Variants in GDPD1 observed in about 807,000 individuals in gnomAD.
GDPD1 encodes lysophospholipase D GDPD1.
GDPD1 carries 28 observed loss-of-function variants against 45.1 expected under a neutral mutation model. That is an observed-to-expected ratio of 0.62 (90% CI 0.46 to 0.85). The LOEUF is 0.85. Ranked by LOEUF, GDPD1 falls within the 40% of genes least tolerant of loss-of-function variation. The pLI, the probability that GDPD1 is intolerant of heterozygous loss-of-function variation, is 0.00. For missense variants in GDPD1, 256 were observed against 364.8 expected (o/e 0.70, Z 2.43); for synonymous variants, 139 against 131.4 (o/e 1.06, Z -0.40).
chr17:59,239,341 T>A (rs551324408), intron 2 of GDPD1, among the ~76,000 whole-genome samples: 1 of 152,230 alleles, frequency 6.6e-6, no homozygotes, highest in South Asian at 2.1e-4. Context: ...AGAGCTAGAG[T>A]TTTTATTTCT....
intron 4 of GDPD1, among the ~76,000 whole-genome samples, chr17:59,249,395 C>CA (rs965778254): frequency 2.7e-5 from 4 of 150,626 alleles, no homozygotes; most frequent in Admixed American, 6.6e-5. Flanking sequence ...AACTCTGTCT[C>CA]AAAAAAATAT....
At chr17:59,264,260 A>G (rs1448778042) in intron 6 of GDPD1, among the ~76,000 whole-genome samples, 1 of 151,148 alleles carries the variant, frequency 6.6e-6, no homozygotes, top group Non-Finnish European at 1.5e-5. Flanking sequence ...TCAGCCTCCC[A>G]AAGTGTCGGG....
chr17:59,220,883 T>G, intron 1 of GDPD1, 132 bp downstream of exon 1: 1 of 1,016,626 alleles, frequency 9.8e-7, no homozygotes, highest in South Asian at 1.6e-5. Flanking sequence ...TTGAGGGCTC[T>G]TCCGGAGGTG....
intron 2 of GDPD1, among the ~76,000 whole-genome samples, chr17:59,235,130 G>A (rs2047121893): frequency 6.6e-6 from 1 of 152,012 alleles, no homozygotes; most frequent in Non-Finnish European, 1.5e-5. Context: ...ATTATCATCA[G>A]TCTATGGTAA....
intron 1 of GDPD1, among the ~76,000 whole-genome samples, chr17:59,228,138 C>CTGAA (rs1183353512): frequency 7.6e-6 from 1 of 132,342 alleles, no homozygotes; most frequent in Admixed American, 8.5e-5. Flanking sequence ...TGCCACTGCA[C>CTGAA]TTCAGCCTGG....
intron 8 of GDPD1, among the ~76,000 whole-genome samples, 160 bp downstream of exon 8, chr17:59,271,155 A>G (rs190133903): frequency 6.6e-6 from 1 of 152,304 alleles, no homozygotes; most frequent in African/African-American, 2.4e-5. Flanking sequence ...GAAATATCTT[A>G]ATTACTAATC....
intron 3 of GDPD1, among the ~76,000 whole-genome samples, chr17:59,246,624 G>T (rs148114527): frequency 7.4e-6 from 1 of 135,204 alleles, no homozygotes; most frequent in African/African-American, 2.9e-5. Context: ...CAGGAGAATC[G>T]CTTGAACCCA....
intron 2 of GDPD1, among the ~76,000 whole-genome samples, chr17:59,238,284 A>G (rs892280154): frequency 7.3e-5 from 11 of 151,710 alleles, no homozygotes; most frequent in Non-Finnish European, 1.3e-4. Context: ...AAAAAAAAAA[A>G]AAGAAGTAAT....
intron 2 of GDPD1, among the ~76,000 whole-genome samples, chr17:59,236,118 AT>A (rs1007583067): frequency 6.6e-6 from 1 of 152,140 alleles, no homozygotes; most frequent in Non-Finnish European, 1.5e-5. Context: ...TTTTCTCCAT[AT>A]TTTTTTGTTA....
chr17:59,269,682 G>A (rs1307310525), intron 7 of GDPD1, among the ~76,000 whole-genome samples: 1 of 151,964 alleles, frequency 6.6e-6, no homozygotes, highest in African/African-American at 2.4e-5. Context: ...AATTAGCTGG[G>A]CATGGTGGCG....
At chr17:59,244,623 G>A (rs1223678739) in intron 2 of GDPD1, among the ~76,000 whole-genome samples, 1 of 152,074 alleles carries the variant, frequency 6.6e-6, no homozygotes, top group Non-Finnish European at 1.5e-5. Flanking sequence ...GTGAGCTACC[G>A]TGCCTGTCTA....
chr17:59,252,579 C>T (rs1318924643), intron 4 of GDPD1, among the ~76,000 whole-genome samples: 2 of 151,914 alleles, frequency 1.3e-5, no homozygotes, highest in African/African-American at 4.8e-5. Flanking sequence ...ACACCTGTAG[C>T]CCCAGCTACT....
chr17:59,243,093 G>A (rs1432974081), intron 2 of GDPD1, among the ~76,000 whole-genome samples: 3 of 152,114 alleles, frequency 2.0e-5, no homozygotes, highest in Admixed American at 6.6e-5. Flanking sequence ...GGAAGCTGAG[G>A]TGTGGGAATT....
chr17:59,265,783 C>G (rs887049784), intron 6 of GDPD1, among the ~76,000 whole-genome samples: 1 of 150,656 alleles, frequency 6.6e-6, no homozygotes. Flanking sequence ...CACCTGTAGT[C>G]CCATCTATTA....
chr17:59,228,170 TAAAAAAAA>T (rs36140380), intron 1 of GDPD1, among the ~76,000 whole-genome samples: 1 of 91,674 alleles, frequency 1.1e-5, no homozygotes, highest in East Asian at 3.2e-4. Flanking sequence ...AGACTCCATC[TAAAAAAAA>T]AAAAAAAAAA....
At position 59,245,528 on chromosome 17, in the gene GDPD1, C is replaced by T; in HGVS notation, c.300C>T (p.Asn100=). The stretch of plus-strand genomic sequence containing the variant: ...AGAGAGCAACTGGGGTCAATGTAAA[C>T]ATCTCTGATCTCAAATACTGTGTAA... The part of the protein sequence containing the change: ...NLKRATGVNV[N]ISDLKYCELP... Residue 100 remains asparagine (N), a synonymous_variant, in exon 3 of 10, where the codon AAC becomes AAT. Transcript: ENST00000284116. 1 of 1,609,486 alleles carries T rather than the reference C, an allele frequency of 6.2e-7. No homozygotes were observed. The highest frequency in any genetic ancestry group is 8.5e-7 in the Non-Finnish European group (1 of 1,176,892).
intron 8 of GDPD1, among the ~76,000 whole-genome samples, 199 bp from the exon 9 acceptor site, chr17:59,272,586 C>T (rs2047452207): frequency 6.6e-6 from 1 of 152,148 alleles, no homozygotes; most frequent in African/African-American, 2.4e-5. Context: ...TCTGGTTGTC[C>T]ACCAACCAGC....
At position 59,248,787 on chromosome 17, in the gene GDPD1, T is replaced by C. The variant is rs781305525; in HGVS notation, c.367+2T>C. The C allele has an allele frequency of 6.3e-7, 1 of 1,597,894 alleles. No homozygotes were observed. The highest frequency in any genetic ancestry group is 8.5e-7 in the Non-Finnish European group (1 of 1,169,912). ...AACTGGATGTCTCATTTCAAAGAGG[T>C]AATATTTTTTGTTTGTGGCTTAAAC... On this transcript the variant is annotated splice_donor_variant, in intron 4 of 9. Transcript: ENST00000284116. LOFTEE classifies it high-confidence loss of function.
At chr17:59,260,484 A>G (rs1219453670) in intron 6 of GDPD1, among the ~76,000 whole-genome samples, 4 of 151,816 alleles carry the variant, frequency 2.6e-5, no homozygotes, top group Non-Finnish European at 5.9e-5. Context: ...AGAGGTTGCA[A>G]TGAGCTGGGA....
Sources: allele counts gnomAD v4.1 joint callset (sites outside exome capture counted in the v4.1 genomes callset), GRCh38; gene constraint gnomAD v4.1.1; transcripts MANE v1.5; gene names NCBI Gene and HGNC (gene_info 2026-07-23, HGNC 2026-07-21).